The following SIN3A variants were observed in gnomAD, a reference collection of about 807,000 sequenced individuals.
SIN3A encodes SIN3 transcription regulator family member A, also known as paired amphipathic helix protein Sin3a.
Under a neutral mutation model 146.1 loss-of-function variants are expected in SIN3A, and 14 were observed. The observed-to-expected ratio is 0.10, with a 90% CI of 0.06 to 0.15. The LOEUF (loss-of-function observed/expected upper bound fraction) is 0.15, where lower values mean the gene tolerates loss of function less well. Among genes scored for constraint, SIN3A ranks in the 10% least tolerant of loss-of-function variants. SIN3A has a pLI of 1.00. For missense variants in SIN3A, 1,028 were observed against 1,576.0 expected (o/e 0.65, Z 5.89); for synonymous variants, 572 against 572.0 (o/e 1.00, Z 0.00).
intron 6 of SIN3A, among the ~76,000 whole-genome samples, chr15:75,410,907 A>G (rs550211049): frequency 2.0e-5 from 3 of 149,328 alleles, no homozygotes; most frequent in Non-Finnish European, 4.4e-5. Flanking sequence ...CCCGGGAGGT[A>G]GAGGCTGCAG....
At chr15:75,393,868 C>T (rs944060345) in intron 14 of SIN3A, among the ~76,000 whole-genome samples, 1 of 152,100 alleles carries the variant, frequency 6.6e-6, no homozygotes, top group Non-Finnish European at 1.5e-5. Context: ...AGTGCAGTGG[C>T]ATGTTCTCAG....
intron 1 of SIN3A, among the ~76,000 whole-genome samples, chr15:75,438,684 G>A (rs536223796): frequency 6.6e-6 from 1 of 152,078 alleles, no homozygotes; most frequent in East Asian, 1.9e-4. Flanking sequence ...ATAAGACCCT[G>A]TCTCAAAAAA....
chr15:75,377,470 C>T (rs1166231145), intron 19 of SIN3A, among the ~76,000 whole-genome samples: 1 of 151,798 alleles, frequency 6.6e-6, no homozygotes, highest in Non-Finnish European at 1.5e-5. Context: ...AATAAAAGTA[C>T]AAAAATTAGC....
rs2073228831 is a variant in SIN3A at position 75,392,667 on chromosome 15, T to C, written c.2426A>G (p.Lys809Arg). The change falls in exon 15 of 21, where the codon AAA becomes AGA. Residue 809 changes from lysine (K) to arginine (R), a missense_variant. Coordinates refer to ENST00000394947, the MANE Select transcript of SIN3A (RefSeq NM_001145358.2). ...KRQTGIQKED[K>R]YKIKQIMHHF... The stretch of plus-strand genomic sequence containing the variant: ...ATGCATGATTTGTTTTATCTTATAT[T>C]TGTCCTCCTTCTGAATGCCTGTCTG... The C allele has an allele frequency of 2.5e-6, 4 of 1,614,224 alleles. No individual in the cohort carries two copies. Among genetic ancestry groups the C allele is most frequent in the Non-Finnish European group, 3.4e-6 (4 of 1,180,042 alleles).
At chr15:75,423,074 G>C (rs2073866463) in intron 2 of SIN3A, among the ~76,000 whole-genome samples, 2 of 151,730 alleles carry the variant, frequency 1.3e-5, no homozygotes, top group African/African-American at 4.8e-5. Flanking sequence ...TCTCTAAAAA[G>C]AGAAAAGAAA....
Position 75,396,460 on chromosome 15 carries a change from G to C in SIN3A, c.1891C>G (p.Arg631Gly). 1 of 1,613,914 alleles carries C rather than the reference G, an allele frequency of 6.2e-7. No individual in the cohort carries two copies. Among genetic ancestry groups the C allele is most frequent in the Non-Finnish European group, 8.5e-7 (1 of 1,179,928 alleles). ...VVLETNLATI[R>G]VLEAIQKKLS... ...TTCTTCTGTATTGCTTCCAGAACCC[G>C]GATTGTTGCCAGATTGGTCTCTAAA... Residue 631 changes from arginine to glycine, a missense_variant, in exon 13 of 21, where the codon CGG becomes GGG. Coordinates refer to ENST00000394947, the MANE Select transcript of SIN3A (RefSeq NM_001145358.2).
At chr15:75,443,428 G>A (rs1227300450) in intron 1 of SIN3A, among the ~76,000 whole-genome samples, 1 of 152,116 alleles carries the variant, frequency 6.6e-6, no homozygotes, top group Non-Finnish European at 1.5e-5. Context: ...CTTGAAAGAT[G>A]CTGTAGGCTG....
intron 1 of SIN3A, among the ~76,000 whole-genome samples, chr15:75,434,299 T>C (rs985637508): frequency 1.3e-5 from 2 of 152,202 alleles, no homozygotes; most frequent in African/African-American, 4.8e-5. Context: ...ATGAAGTTGG[T>C]AGATGATTTC....
At chr15:75,417,378 CTTTTTTT>C (rs34223540) in intron 3 of SIN3A, among the ~76,000 whole-genome samples, 2 of 140,880 alleles carry the variant, frequency 1.4e-5, no homozygotes, top group African/African-American at 2.6e-5. Context: ...CAGTCTTTTT[CTTTTTTT>C]TTTTTTTGAG....
chr15:75,379,241 CT>C (rs1349731149), intron 19 of SIN3A, among the ~76,000 whole-genome samples: 2 of 152,130 alleles, frequency 1.3e-5, no homozygotes, highest in East Asian at 3.9e-4. Flanking sequence ...GAAAACATTT[CT>C]TTGTTTTTAT....
At chr15:75,372,510 G>T (rs755126273) in intron 20 of SIN3A, among the ~76,000 whole-genome samples, 1 of 152,042 alleles carries the variant, frequency 6.6e-6, no homozygotes, top group Non-Finnish European at 1.5e-5. Flanking sequence ...TAGTATAACC[G>T]AGGGAATGTG....
chr15:75,406,349 A>C (rs1348699359), intron 9 of SIN3A, among the ~76,000 whole-genome samples: 7 of 152,216 alleles, frequency 4.6e-5, no homozygotes, highest in Non-Finnish European at 8.8e-5. Flanking sequence ...ATTCCCCTGA[A>C]TGCTATGTAT....
Position 75,409,852 on chromosome 15 carries a change from G to A in SIN3A, c.1301C>T (p.Thr434Ile). The A allele has an allele frequency of 6.2e-7, 1 of 1,612,652 alleles. No individual in the cohort carries two copies. Among genetic ancestry groups the A allele is most frequent in the Non-Finnish European group, 8.5e-7 (1 of 1,179,926 alleles). The change falls in exon 8 of 21, where the codon ACC becomes ATC. Residue 434 changes from threonine (T) to isoleucine (I), a missense_variant. Coordinates refer to ENST00000394947, the MANE Select transcript of SIN3A (RefSeq NM_001145358.2). ...GCQIRRHPTG[T>I]TPPVKKKPKL... The stretch of plus-strand genomic sequence containing the variant: ...CATTCTCACCTTAACTGGAGGGGTG[G>A]TTCCTGTAGGATGTCTGCGGATCTG...
chr15:75,450,584 G>A (rs2074385626), intron 1 of SIN3A, among the ~76,000 whole-genome samples: 2 of 152,192 alleles, frequency 1.3e-5, no homozygotes, highest in South Asian at 4.1e-4. Context: ...GAGGGGAGTG[G>A]GGGTGACCAT....
intron 17 of SIN3A, among the ~76,000 whole-genome samples, chr15:75,382,180 C>G (rs188871129): frequency 6.6e-6 from 1 of 152,204 alleles, no homozygotes; most frequent in African/African-American, 2.4e-5. Context: ...AGAGACAAAA[C>G]TGAAATTCAG....
intron 1 of SIN3A, among the ~76,000 whole-genome samples, chr15:75,433,598 C>T (rs1487003059): frequency 4.0e-5 from 6 of 151,830 alleles, no homozygotes. Context: ...CTCACGAGAT[C>T]AGGAGATCGA....
At chr15:75,441,575 A>G (rs1452926225) in intron 1 of SIN3A, among the ~76,000 whole-genome samples, 1 of 152,092 alleles carries the variant, frequency 6.6e-6, no homozygotes, top group Non-Finnish European at 1.5e-5. Context: ...GTATACCACT[A>G]CACTTGGCTT....
chr15:75,378,816 C>G (rs1047734014), intron 19 of SIN3A, among the ~76,000 whole-genome samples: 1 of 151,496 alleles, frequency 6.6e-6, no homozygotes, highest in East Asian at 1.9e-4. Context: ...TAAGCAATGC[C>G]ACTCTATTCA....
chr15:75,426,653 G>A (rs1350056369), intron 2 of SIN3A, among the ~76,000 whole-genome samples: 1 of 152,202 alleles, frequency 6.6e-6, no homozygotes, highest in Admixed American at 6.6e-5. Context: ...AGAAAGGGCG[G>A]ACGAGGTGGC....
Sources: allele counts gnomAD v4.1 joint callset (sites outside exome capture counted in the v4.1 genomes callset), GRCh38; gene constraint gnomAD v4.1.1; transcripts MANE v1.5; gene names NCBI Gene and HGNC (gene_info 2026-07-23, HGNC 2026-07-21).